Variants in RELN observed in about 807,000 individuals in gnomAD.
RELN encodes the protein reelin.
RELN carries 108 observed loss-of-function variants against 427.6 expected under a neutral mutation model. The ratio of observed to expected loss-of-function variants is 0.25; its 90% CI spans 0.22 to 0.30. The LOEUF is 0.30. Among genes scored for constraint, RELN ranks in the 10% least tolerant of loss-of-function variants. RELN has a pLI of 1.00. For synonymous variants in RELN, 1,524 were observed against 1,513.4 expected (o/e 1.01, Z -0.16); for missense variants, 3,715 against 4,302.8 (o/e 0.86, Z 3.82).
At position 103,489,757 on chromosome 7, in the gene RELN, C is replaced by T; in HGVS notation, c.9748G>A (p.Asp3250Asn). Residue 3250 changes from aspartate (D) to asparagine (N), a missense_variant, in exon 60 of 65, where the codon GAC becomes AAC. By Grantham distance (23) the Asp-to-Asn change is conservative (BLOSUM62 1). This residue lies in a region of RELN where 195 missense variants were observed against 281.3 expected (regional missense o/e 0.69). Coordinates refer to ENST00000428762, the MANE Select transcript of RELN (RefSeq NM_005045.4). ...YCTTGAICIC[D>N]ESFQGDDCSV... is the part of the protein sequence containing the mutation. ...GGATTCAGACCTTGGAAGCTCTCGT[C>T]GCAGATGCAGATGGCACCGGTCGTG... 1.9e-6 allele frequency: 3 copies of T among 1,614,046 alleles called. No individual in the cohort carries two copies. Among genetic ancestry groups the T allele is most frequent in the Non-Finnish European group, 1.7e-6 (2 of 1,179,994 alleles).
intron 2 of RELN, among the ~76,000 whole-genome samples, chr7:103,839,702 T>C (rs887540287): frequency 6.6e-6 from 1 of 152,218 alleles, no homozygotes; most frequent in African/African-American, 2.4e-5. Context: ...CTAATGCTTA[T>C]TAGGCACTTA....
intron 40 of RELN, among the ~76,000 whole-genome samples, chr7:103,551,954 T>TGC (rs1562886685): frequency 5.3e-5 from 8 of 152,060 alleles, no homozygotes; most frequent in African/African-American, 1.9e-4. Flanking sequence ...TGTGTGTGTG[T>TGC]GTGTGGTAAG....
At position 103,611,773 on chromosome 7, in the gene RELN, A is replaced by G. The variant is rs774321502; in HGVS notation, c.2733T>C (p.Ser911=). 6.2e-7 allele frequency: 1 copy of G among 1,613,940 alleles called. No homozygotes were observed. The highest frequency in any genetic ancestry group is 1.1e-5 in the South Asian group (1 of 91,076). ...CFTGDSKLAS[S]MRYVETQSMQ... ...TTGATTGTGTTTCCACATAGCGCAT[A>G]CTTGAGGCAAGTTTAGAATCTCCTG... The change falls in exon 21 of 65, where the codon AGT becomes AGC. Residue 911 remains serine (S), a synonymous_variant. Transcript: ENST00000428762.
At chr7:103,630,562 C>T (rs1004779386) in intron 19 of RELN, among the ~76,000 whole-genome samples, 2 of 152,150 alleles carry the variant, frequency 1.3e-5, no homozygotes, top group Admixed American at 1.3e-4. Flanking sequence ...TGTGTCATGG[C>T]AGCTATGACA....
chr7:103,613,776 G>A (rs1222598179), intron 20 of RELN, among the ~76,000 whole-genome samples: 4 of 152,140 alleles, frequency 2.6e-5, no homozygotes, highest in Non-Finnish European at 4.4e-5. Context: ...TGGGCTGAAG[G>A]GTCTGCAAAT....
In RELN at chr7:103,478,106, C is replaced by T. The variant is rs74317583; in HGVS notation, c.10286+283G>A. Among the ~76,000 whole-genome samples, 2,200 of 152,248 alleles carry T rather than the reference C, an allele frequency of 0.014. 61 individuals are homozygous for T. Among genetic ancestry groups the T allele is most frequent in the African/African-American group, 0.051 (2,105 of 41,532 alleles). ...GTCAAGCACAGAGCAGAATCTAAGTCAAATCTGTTGCCCAATGATGAAATG... is the reference window on the plus strand; with the variant it reads ...GTCAAGCACAGAGCAGAATCTAAGTTAAATCTGTTGCCCAATGATGAAATG... On this transcript the variant is annotated intron_variant, in intron 64 of 64. Transcript: ENST00000428762.
intron 2 of RELN, among the ~76,000 whole-genome samples, chr7:103,858,147 C>G (rs1476466972): frequency 6.6e-6 from 1 of 152,130 alleles, no homozygotes; most frequent in Non-Finnish European, 1.5e-5. Context: ...TTAAGTACAA[C>G]AGGGCTGGCA....
intron 1 of RELN, among the ~76,000 whole-genome samples, chr7:103,958,415 G>A (rs1796479644): frequency 6.6e-6 from 1 of 152,190 alleles, no homozygotes; most frequent in South Asian, 2.1e-4. Context: ...GAGAGTCCAT[G>A]TGTACTGTGG....
intron 11 of RELN, among the ~76,000 whole-genome samples, chr7:103,670,077 T>C (rs1833357212): frequency 6.6e-6 from 1 of 152,148 alleles, no homozygotes; most frequent in East Asian, 1.9e-4. Context: ...AATATTTTTG[T>C]AAGCAAAAAA....
intron 2 of RELN, among the ~76,000 whole-genome samples, chr7:103,872,030 A>ATATATAT (rs773045936): frequency 1.1e-4 from 15 of 138,450 alleles, no homozygotes; most frequent in Non-Finnish European, 2.1e-4. Context: ...ATATATATAT[A>ATATATAT]TTTTTCTTTT....
Position 103,898,926 on chromosome 7 carries a change from G to A in RELN, c.337+18149C>T, listed in dbSNP as rs542828487. Among the ~76,000 whole-genome samples the A allele has an allele frequency of 7.9e-5, 12 of 152,120 alleles. No homozygotes were observed. In the South Asian group the frequency reaches 2.5e-3, roughly 32 times the overall value. On this transcript the variant is annotated intron_variant, in intron 2 of 64. Transcript: ENST00000428762. ...AAAGTATTAGATGTTTTAAGATTAA[G>A]CCATTCTTATAGTCCAGGGATTTAA...
chr7:103,893,791 C>T (rs1238439340), intron 2 of RELN, among the ~76,000 whole-genome samples: 1 of 152,086 alleles, frequency 6.6e-6, no homozygotes, highest in Non-Finnish European at 1.5e-5. Flanking sequence ...CATGTTTAAA[C>T]ATTAACTGCA....
chr7:103,895,754 G>A (rs1186656300), intron 2 of RELN, among the ~76,000 whole-genome samples: 1 of 151,800 alleles, frequency 6.6e-6, no homozygotes, highest in African/African-American at 2.4e-5. Context: ...TCTATCACCT[G>A]GAGCATACGT....
At chr7:103,830,523 G>GT (rs1015401882) in intron 3 of RELN, among the ~76,000 whole-genome samples, 12 of 150,632 alleles carry the variant, frequency 8.0e-5, no homozygotes, top group South Asian at 6.3e-4. Flanking sequence ...CAGAAGCTGT[G>GT]TTTTTTTTTA....
chr7:103,817,659 A>G (rs1462559746), intron 3 of RELN, among the ~76,000 whole-genome samples: 1 of 152,148 alleles, frequency 6.6e-6, no homozygotes, highest in African/African-American at 2.4e-5. Context: ...TAAATAGACT[A>G]TAGAAGAAAA....
At chr7:103,742,516 G>GA (rs892856454) in intron 6 of RELN, among the ~76,000 whole-genome samples, 5 of 151,796 alleles carry the variant, frequency 3.3e-5, no homozygotes, top group African/African-American at 7.3e-5. Context: ...TAAAAGCTTT[G>GA]AAAAAAAATC....
At position 103,843,799 on chromosome 7, in the gene RELN, A is replaced by C. The variant is rs113048929; in HGVS notation, c.338-10127T>G. Among the ~76,000 whole-genome samples, 253 of 152,238 alleles carry C rather than the reference A, an allele frequency of 1.7e-3. 1 individual carries two copies. Among genetic ancestry groups the C allele is most frequent in the African/African-American group, 5.9e-3 (245 of 41,544 alleles). The stretch of plus-strand genomic sequence containing the variant: ...TGACCACTGAGTTTGACAATACAGC[A>C]TCCTTTTCAAAGAGCTGTGCAGACT... On this transcript the variant is annotated intron_variant, in intron 2 of 64. Transcript: ENST00000428762.
At chr7:103,862,351 T>C (rs1794088173) in intron 2 of RELN, among the ~76,000 whole-genome samples, 1 of 152,100 alleles carries the variant, frequency 6.6e-6, no homozygotes. Flanking sequence ...AAAATTAATT[T>C]GTAATTTTGG....
chr7:103,844,974 C>A (rs1188610589), intron 2 of RELN, among the ~76,000 whole-genome samples: 1 of 152,088 alleles, frequency 6.6e-6, no homozygotes, highest in African/African-American at 2.4e-5. Flanking sequence ...CAATGATAAC[C>A]CTTGTCTAAC....
Sources: allele counts gnomAD v4.1 joint callset (sites outside exome capture counted in the v4.1 genomes callset), GRCh38; gene constraint gnomAD v4.1.1; regional missense constraint gnomAD v4.1.1; transcripts MANE v1.5; gene names NCBI Gene and HGNC (gene_info 2026-07-23, HGNC 2026-07-21).